IL21R: variants seen among roughly 807,000 people sequenced by gnomAD.
IL21R encodes the protein interleukin-21 receptor.
A neutral mutation model predicts 41.3 loss-of-function variants in IL21R; 14 were observed. The observed-to-expected ratio is 0.34, with a 90% CI of 0.22 to 0.53. IL21R has a LOEUF of 0.53. Among genes scored for constraint, IL21R ranks in the 20% least tolerant of loss-of-function variants. The pLI, the probability that IL21R is intolerant of heterozygous loss-of-function variation, is 0.94. For missense variants in IL21R, 588 were observed against 681.6 expected, an observed-to-expected ratio of 0.86 and a Z score of 1.53; for synonymous variants, 286 against 287.6, an observed-to-expected ratio of 0.99 and a Z score of 0.05.
rs1405697553 is a variant in IL21R, at chr16:27,434,389, A to C, written c.92A>C (p.Gln31Pro). 6.2e-7 allele frequency: 1 copy of C among 1,613,896 alleles called. No homozygotes were observed. Among genetic ancestry groups the C allele is most frequent in the Non-Finnish European group, 8.5e-7 (1 of 1,179,988 alleles). ...PDLVCYTDYL[Q>P]TVICILEMWN... Reference sequence around the variant, plus strand: ...CTCGTCTGCTACACCGATTACCTCCAGACGGTCATCTGCATCCTGGAAATG... The same window carrying C: ...CTCGTCTGCTACACCGATTACCTCCCGACGGTCATCTGCATCCTGGAAATG... The change falls in exon 3 of 9, where the codon CAG becomes CCG. Residue 31 changes from glutamine to proline, a missense_variant. By Grantham distance (76) the Gln-to-Pro change is moderately conservative. Transcript: ENST00000337929.
rs200200553 is a variant in IL21R, at chr16:27,418,040, AT to A, written c.-16-12012del. Among the ~76,000 whole-genome samples the A allele has an allele frequency of 2.2e-4, 28 of 124,938 alleles. No homozygotes were observed. In the South Asian group the frequency reaches 2.3e-3, roughly 10 times the overall value. 82.0% of individuals were successfully genotyped at this position (124,938 alleles called of 152,430 possible). On this transcript the variant is annotated intron_variant, in intron 1 of 8. Coordinates refer to ENST00000337929, the MANE Select transcript of IL21R (RefSeq NM_181078.3). The stretch of plus-strand genomic sequence containing the variant: ...ATTTTATTTTATTTTATTTTATTTT[AT>A]TTTATTTTATTTTATTTTATTTTAT...
rs1341272437 is a variant in IL21R at position 27,448,427 on chromosome 16, C to T, written c.868-107C>T. The T allele has an allele frequency of 3.3e-6, 4 of 1,206,880 alleles. No homozygotes were observed. The Admixed American group carries it at 1.2e-4, about 35-fold the overall frequency. 74.8% of individuals were successfully genotyped at this position (1,206,880 alleles called of 1,614,324 possible). A position where few individuals can be genotyped will look rare whatever the true frequency, so the allele number is the denominator to read the frequency against. On this transcript the variant is annotated intron_variant, in intron 8 of 8. Coordinates refer to ENST00000337929, the MANE Select transcript of IL21R (RefSeq NM_181078.3). Reference sequence around the variant, plus strand: ...CCGAGATGGCACCACTGCATTCCAGCCTGGGCAGCAGAGCCAGACTGTCTC... The same window carrying T: ...CCGAGATGGCACCACTGCATTCCAGTCTGGGCAGCAGAGCCAGACTGTCTC...
chr16:27,427,799 A>G (rs1377974212), intron 1 of IL21R, among the ~76,000 whole-genome samples: 6 of 152,120 alleles, frequency 3.9e-5, no homozygotes, highest in Non-Finnish European at 8.8e-5. Flanking sequence ...CTGCGATCAG[A>G]GGCCACATCT....
Position 27,448,937 on chromosome 16 carries a change from C to G in IL21R, c.1271C>G (p.Thr424Arg), listed in dbSNP as rs1208920837. The change falls in exon 9 of 9, where the codon ACA becomes AGA. Residue 424 changes from threonine to arginine, a missense_variant. Physicochemically the swap from Thr to Arg is moderately conservative, Grantham distance 71. Coordinates refer to ENST00000337929, the MANE Select transcript of IL21R (RefSeq NM_181078.3). ...LEDPLLDAGT[T>R]VLSCGCVSAG... Reference sequence around the variant, plus strand: ...GACCCACTCTTGGATGCAGGGACCACAGTCCTGTCCTGTGGCTGTGTCTCA... The same window carrying G: ...GACCCACTCTTGGATGCAGGGACCAGAGTCCTGTCCTGTGGCTGTGTCTCA... 6.2e-7 allele frequency: 1 copy of G among 1,613,120 alleles called. No homozygotes were observed. The highest frequency in any genetic ancestry group is 8.5e-7 in the Non-Finnish European group (1 of 1,179,764).
At chr16:27,408,261 G>A (rs111975845) in intron 1 of IL21R, among the ~76,000 whole-genome samples, 1 of 152,226 alleles carries the variant, frequency 6.6e-6, no homozygotes, top group African/African-American at 2.4e-5. Context: ...TGAAGACTGA[G>A]TAGGAGGCTA....
chr16:27,423,889 T>G (rs1462276708), intron 1 of IL21R, among the ~76,000 whole-genome samples: 1 of 152,188 alleles, frequency 6.6e-6, no homozygotes, highest in Non-Finnish European at 1.5e-5. Flanking sequence ...GTGTTCGCTT[T>G]TATTAGGTCA....
rs2087552103 is a variant in IL21R at position 27,449,457 on chromosome 16, C to CAT, written c.*175_*176dup. On this transcript the variant is annotated 3_prime_UTR_variant, in exon 9 of 9. Transcript: ENST00000337929. The stretch of plus-strand genomic sequence containing the variant: ...GTGCATATGTGTGTGTGTGCATATG[C>CAT]ATGTGTGTGTGTGTGTGTGTCTTAG... 7.9e-6 allele frequency: 5 copies of CAT among 632,394 alleles called. No individual in the cohort carries two copies. Among genetic ancestry groups the CAT allele is most frequent in the Admixed American group, 3.2e-5 (1 of 31,520 alleles). 39.2% of individuals were successfully genotyped at this position (632,394 alleles called of 1,614,324 possible).
intron 1 of IL21R, among the ~76,000 whole-genome samples, chr16:27,418,139 G>T (rs1003387851): frequency 2.1e-5 from 3 of 146,304 alleles, no homozygotes; most frequent in Non-Finnish European, 4.5e-5. Context: ...GCGTGATCTC[G>T]GCTCACTGCA....
At chr16:27,406,750 C>T (rs976863269) in intron 1 of IL21R, among the ~76,000 whole-genome samples, 9 of 152,198 alleles carry the variant, frequency 5.9e-5, no homozygotes, top group African/African-American at 1.7e-4. Flanking sequence ...CCACACTAAC[C>T]TGCCTCACAC....
At chr16:27,410,453 T>C (rs1009360245) in intron 1 of IL21R, among the ~76,000 whole-genome samples, 2 of 152,158 alleles carry the variant, frequency 1.3e-5, no homozygotes, top group African/African-American at 4.8e-5. Flanking sequence ...TGTACAGAAA[T>C]ATAATGAGTT....
intron 1 of IL21R, among the ~76,000 whole-genome samples, chr16:27,417,776 A>G (rs1231514912): frequency 6.6e-6 from 1 of 152,170 alleles, no homozygotes; most frequent in Non-Finnish European, 1.5e-5. Flanking sequence ...AAAACATAAT[A>G]TAAAATATGA....
intron 7 of IL21R, 91 bp from the exon 8 acceptor site, chr16:27,445,916 C>A: frequency 2.1e-6 from 2 of 960,628 alleles, no homozygotes; most frequent in Non-Finnish European, 3.1e-6. Flanking sequence ...TGCTCGGAAG[C>A]TCCTGTAGGA....
Position 27,450,582 on chromosome 16 carries a change from CTTTTTTT to C in IL21R, c.*1307_*1313del, listed in dbSNP as rs553596346. 30 of 190,252 alleles carry C rather than the reference CTTTTTTT, an allele frequency of 1.6e-4. No homozygotes were observed. The highest frequency in any genetic ancestry group is 6.8e-4 in the African/African-American group (28 of 41,348). The allele number at this position is 190,252 out of a possible 1,614,324, so 11.8% of individuals were successfully genotyped here. ...TATTTCTTAGCAACATTTTCTTTTT[CTTTTTTT>C]TTTTTTTCTTTTGAGACAGAGTCTC... is the stretch of plus-strand genomic sequence containing the variant. On this transcript the variant is annotated 3_prime_UTR_variant, in exon 9 of 9. Coordinates refer to ENST00000337929, the MANE Select transcript of IL21R (RefSeq NM_181078.3).
At chr16:27,448,482 C>G in intron 8 of IL21R, 52 bp from the exon 9 acceptor site, 1 of 1,510,844 alleles carries the variant, frequency 6.6e-7, no homozygotes, top group East Asian at 2.3e-5. Flanking sequence ...AAAAATAAAC[C>G]CTCACCTTAC....
intron 1 of IL21R, among the ~76,000 whole-genome samples, chr16:27,416,985 T>C (rs986776436): frequency 6.6e-6 from 1 of 152,196 alleles, no homozygotes; most frequent in Non-Finnish European, 1.5e-5. Flanking sequence ...AACATTCTAC[T>C]GCATGGATAT....
chr16:27,447,555 G>A (rs2087504212), intron 8 of IL21R: 1 of 152,188 alleles, frequency 6.6e-6, no homozygotes, highest in Non-Finnish European at 1.5e-5. Context: ...GGGAAGGGGA[G>A]GGTCCTTCAA....
chr16:27,423,881 G>A (rs892182146), intron 1 of IL21R, among the ~76,000 whole-genome samples: 1 of 152,150 alleles, frequency 6.6e-6, no homozygotes, highest in Non-Finnish European at 1.5e-5. Context: ...TAGGGCATGT[G>A]TTCGCTTTTA....
intron 6 of IL21R, 63 bp from the exon 7 acceptor site, chr16:27,445,114 C>A: frequency 8.4e-7 from 1 of 1,194,198 alleles, no homozygotes; most frequent in Non-Finnish European, 1.2e-6. Context: ...TCCCACCATG[C>A]CCACCCCATA....
chr16:27,427,334 T>A, intron 1 of IL21R: 1 of 985,126 alleles, frequency 1.0e-6, no homozygotes, highest in Non-Finnish European at 1.2e-6. Flanking sequence ...CCCCTCCACA[T>A]CCCTAGGGCT....
Sources: gnomAD v4.1 joint callset for allele counts (sites outside exome capture counted in the v4.1 genomes callset) on GRCh38, gnomAD v4.1.1 for gene constraint, MANE v1.5 for transcripts, NCBI Gene and HGNC (gene_info 2026-07-23, HGNC 2026-07-21) for gene names.